The following MIP variants were observed in gnomAD, a reference collection of about 807,000 sequenced individuals.
MIP encodes the protein lens fiber major intrinsic protein.
A neutral mutation model predicts 21.8 loss-of-function variants in MIP; 14 were observed. The observed-to-expected ratio is 0.64, with a 90% confidence interval of 0.42 to 1.00. MIP has a LOEUF of 1.00. Ranked by LOEUF, MIP falls within the 50% of genes least tolerant of loss-of-function variation. MIP has a pLI of 0.00. For missense variants in MIP, 260 were observed against 333.5 expected (o/e 0.78, Z 1.72); for synonymous variants, 133 against 141.4 (o/e 0.94, Z 0.42).
chr12:56,454,956 G>A (rs1254289796), upstream of MIP, among the ~76,000 whole-genome samples: 1 of 152,138 alleles, frequency 6.6e-6, no homozygotes, highest in African/African-American at 2.4e-5. Flanking sequence ...GGGGTTCATT[G>A]TCCTGATTGA....
intron 3 of MIP, chr12:56,452,752 CA>C (rs2136165637): frequency 2.5e-6 from 1 of 405,824 alleles, no homozygotes; most frequent in South Asian, 2.2e-5. Flanking sequence ...GCTCACAACA[CA>C]TCTTGATCTC....
rs765705536 is a variant in MIP at position 56,454,651 on chromosome 12, C to T, written c.-38G>A. 3 of 1,612,322 alleles carry T rather than the reference C, an allele frequency of 1.9e-6. No homozygotes were observed. The highest frequency in any genetic ancestry group is 1.1e-5 in the South Asian group (1 of 90,896). On this transcript the variant is annotated 5_prime_UTR_variant, in exon 1 of 4. Transcript: ENST00000652304. The stretch of plus-strand genomic sequence containing the variant: ...GGTCACAGTGCCTGGGTCCCTGCTA[C>T]CCCCATGGCCTTGTCTGGGTGGACA...
chr12:56,450,323 C>T lies in MIP; in HGVS notation c.*957G>A, dbSNP rs924408819. On this transcript the variant is annotated 3_prime_UTR_variant, in exon 4 of 4. Transcript: ENST00000652304. ...TCTCCCCTCATGCCCCCTACTACCA[C>T]CCGTTCATTTATTTGCTCCAGGAAT... 1 of 152,196 alleles carries T rather than the reference C, an allele frequency of 6.6e-6. No individual in the cohort carries two copies. Among genetic ancestry groups the T allele is most frequent in the Non-Finnish European group, 1.5e-5 (1 of 68,056 alleles). 9.4% of individuals were successfully genotyped at this position (152,196 alleles called of 1,614,324 possible).
chr12:56,453,282 A>G (rs1868678117), intron 2 of MIP, 130 bp from the exon 3 acceptor site: 3 of 777,694 alleles, frequency 3.9e-6, no homozygotes, highest in South Asian at 1.5e-5. Flanking sequence ...GACAGCCTGC[A>G]TGACTCTCCA....
chr12:56,453,497 G>T, intron 2 of MIP, 94 bp downstream of exon 2: 1 of 1,379,094 alleles, frequency 7.3e-7, no homozygotes, highest in Non-Finnish European at 1.0e-6. Flanking sequence ...GTTCATGTTT[G>T]ACAGTGAAGT....
At chr12:56,453,278 C>T (rs1264986836) in intron 2 of MIP, 126 bp from the exon 3 acceptor site, 2 of 780,296 alleles carry the variant, frequency 2.6e-6, no homozygotes, top group African/African-American at 1.7e-5. Flanking sequence ...GAGGGACAGC[C>T]TGCATGACTC....
intron 3 of MIP, among the ~76,000 whole-genome samples, chr12:56,452,182 A>G (rs1460748852): frequency 1.3e-5 from 2 of 152,140 alleles, no homozygotes; most frequent in Non-Finnish European, 2.9e-5. Context: ...ACAACTGCCT[A>G]TTCCACCCCA....
At chr12:56,453,306 T>A (rs756489473) in intron 2 of MIP, among the ~76,000 whole-genome samples, 154 bp from the exon 3 acceptor site, 1 of 152,002 alleles carries the variant, frequency 6.6e-6, no homozygotes, top group Non-Finnish European at 1.5e-5. Context: ...GTTCCTGCAA[T>A]GGGGTGAGGG....
Position 56,451,221 on chromosome 12 carries a change from GGC to G in MIP, c.*57_*58del. Reference sequence around the variant, plus strand: ...CAGTCTCTTTCTTCATCTAGGGGCTGGCTAAACCCCTCCACGTAAACTCAGAA... The same window carrying G: ...CAGTCTCTTTCTTCATCTAGGGGCTGTAAACCCCTCCACGTAAACTCAGAA... On this transcript the variant is annotated 3_prime_UTR_variant, in exon 4 of 4. Coordinates refer to ENST00000652304, the MANE Select transcript of MIP (RefSeq NM_012064.4). 6.7e-7 allele frequency: 1 copy of G among 1,495,826 alleles called. No homozygotes were observed. The highest frequency in any genetic ancestry group is 1.1e-5 in the South Asian group (1 of 88,340). 92.7% of individuals were successfully genotyped at this position (1,495,826 alleles called of 1,614,324 possible). A position where few individuals can be genotyped will look rare whatever the true frequency, so the allele number is the denominator to read the frequency against.
chr12:56,455,616 C>T (rs1214403882), upstream of MIP, among the ~76,000 whole-genome samples: 2 of 151,992 alleles, frequency 1.3e-5, no homozygotes, highest in African/African-American at 4.8e-5. Flanking sequence ...GGGAAACAGC[C>T]GATCAAAGAG....
chr12:56,453,306 T>C (rs756489473), intron 2 of MIP, among the ~76,000 whole-genome samples, 154 bp from the exon 3 acceptor site: 1 of 152,002 alleles, frequency 6.6e-6, no homozygotes, highest in Non-Finnish European at 1.5e-5. Context: ...GTTCCTGCAA[T>C]GGGGTGAGGG....
At chr12:56,456,441 A>G (rs144461141), upstream of MIP, among the ~76,000 whole-genome samples, 3,395 of 152,232 alleles carry the variant, frequency 0.022, 129 homozygotes, top group African/African-American at 0.075. Flanking sequence ...GTTCGAGACC[A>G]GCCTGACCAA....
At chr12:56,454,003 A>T (rs926508455) in intron 1 of MIP, among the ~76,000 whole-genome samples, 3 of 152,222 alleles carry the variant, frequency 2.0e-5, no homozygotes, top group African/African-American at 7.2e-5. Context: ...AAGTTTCCTT[A>T]AGAACCTGCA....
At position 56,453,724 on chromosome 12, in the gene MIP, G is replaced by T; in HGVS notation, c.392C>A (p.Thr131Asn). 2 of 1,614,144 alleles carry T rather than the reference G, an allele frequency of 1.2e-6. No individual in the cohort carries two copies. The highest frequency in any genetic ancestry group is 1.7e-6 in the Non-Finnish European group (2 of 1,180,022). ...GAGCGTCAGGAAGATCTCCACTGTG[G>T]TTGCCTGGCCCACGCTCACCGCAGG... Reference protein sequence around the residue: ...LHPAVSVGQATTVEIFLTLQF... With the variant: ...LHPAVSVGQANTVEIFLTLQF... The change falls in exon 2 of 4, where the codon ACC (threonine) becomes AAC (asparagine). Residue 131 changes from threonine (T) to asparagine (N), a missense_variant. Physicochemically the swap from Thr to Asn is moderately conservative, Grantham distance 65 (BLOSUM62 0). Transcript: ENST00000652304.
In MIP at chr12:56,449,907, T is replaced by A. The variant is rs181959264; in HGVS notation, c.*1373A>T. 1 of 152,206 alleles carries A rather than the reference T, an allele frequency of 6.6e-6. No individual in the cohort carries two copies. Among genetic ancestry groups the A allele is most frequent in the Non-Finnish European group, 1.5e-5 (1 of 68,082 alleles). The allele number at this position is 152,206 out of a possible 1,614,324, so 9.4% of individuals were successfully genotyped here. A position where few individuals can be genotyped will look rare whatever the true frequency, so the allele number is the denominator to read the frequency against. ...AAAATAGGGCTGTGCTCTGGCCCCCTGTAATCCCAGCTACTGGGGAGGCTG... is the reference window on the plus strand; with the variant it reads ...AAAATAGGGCTGTGCTCTGGCCCCCAGTAATCCCAGCTACTGGGGAGGCTG... On this transcript the variant is annotated 3_prime_UTR_variant, in exon 4 of 4. Transcript: ENST00000652304.
chr12:56,454,764 G>A (rs111294551), upstream of MIP: 11 of 872,134 alleles, frequency 1.3e-5, no homozygotes, highest in African/African-American at 8.5e-5. Flanking sequence ...GCTGTGGAGG[G>A]CTAAGTCCCC....
In MIP at chr12:56,454,324, G is replaced by C; in HGVS notation, c.290C>G (p.Ala97Gly). ...ATACAGCACAGCGGCCCCAGCCACA[G>C]CTCCCAGGAGCTGGGCTGCCATATA... ...FCYMAAQLLG[A>G]VAGAAVLYSV... Residue 97 changes from alanine to glycine, a missense_variant, in exon 1 of 4, where the codon GCT (alanine) becomes GGT (glycine). Physicochemically the swap from Ala to Gly is moderately conservative, Grantham distance 60. Coordinates refer to ENST00000652304, the MANE Select transcript of MIP (RefSeq NM_012064.4). 1 of 1,613,822 alleles carries C rather than the reference G, an allele frequency of 6.2e-7. No individual in the cohort carries two copies.
At chr12:56,454,233 C>T (rs369461953) in intron 1 of MIP, 21 bp downstream of exon 1, 2 of 1,613,864 alleles carry the variant, frequency 1.2e-6, no homozygotes, top group Admixed American at 1.7e-5. Context: ...GGTTCCCCAT[C>T]CCCTCTCAGC....
upstream of MIP, among the ~76,000 whole-genome samples, chr12:56,455,605 G>T (rs904513720): frequency 3.3e-5 from 5 of 152,146 alleles, no homozygotes; most frequent in Non-Finnish European, 7.3e-5. Flanking sequence ...GATCAGATCT[G>T]GGGAAACAGC....
Sources: allele counts gnomAD v4.1 joint callset (sites outside exome capture counted in the v4.1 genomes callset), GRCh38; gene constraint gnomAD v4.1.1; transcripts MANE v1.5; gene names NCBI Gene and HGNC (gene_info 2026-07-23, HGNC 2026-07-21).